HS3ST5: variants seen among roughly 807,000 people sequenced by gnomAD.
HS3ST5 encodes the protein heparan sulfate glucosamine 3-O-sulfotransferase 5.
In HS3ST5, 10 loss-of-function variants were observed where a neutral mutation model predicts 25.4. That is an observed-to-expected ratio of 0.39 (90% CI 0.24 to 0.67). The LOEUF (loss-of-function observed/expected upper bound fraction) is 0.67. Ranked by LOEUF, HS3ST5 falls within the 30% of genes least tolerant of loss-of-function variation. The probability of loss-of-function intolerance (pLI) is 0.44; values close to 1 mark genes in which losing one functional copy is unlikely to be tolerated. For synonymous variants in HS3ST5, 170 were observed against 162.4 expected, an observed-to-expected ratio of 1.05 and a Z score of -0.36; for missense variants, 324 against 420.7, an observed-to-expected ratio of 0.77 and a Z score of 2.01.
At chr6:114,305,003 T>A (rs559087479) in intron 1 of HS3ST5, among the ~76,000 whole-genome samples, 29 of 152,250 alleles carry the variant, frequency 1.9e-4, no homozygotes, top group Non-Finnish European at 3.5e-4. Flanking sequence ...CAAGTAATCA[T>A]TTCTTAAAGA....
chr6:114,084,661 G>A, intron 3 of HS3ST5: 1 of 1,123,818 alleles, frequency 8.9e-7, no homozygotes, highest in South Asian at 1.2e-5. Context: ...GAGGCTGATG[G>A]TCAGCCCTGG....
intron 1 of HS3ST5, among the ~76,000 whole-genome samples, chr6:114,301,883 C>A (rs1309316550): frequency 6.6e-6 from 1 of 152,128 alleles, no homozygotes. Context: ...AATGGAAGGG[C>A]AACCAAGGGC....
chr6:114,318,557 T>G (rs2114870248), intron 1 of HS3ST5, among the ~76,000 whole-genome samples: 1 of 152,284 alleles, frequency 6.6e-6, no homozygotes, highest in Admixed American at 6.5e-5. Context: ...TTCCTATTTC[T>G]ATGTACAAAT....
chr6:114,281,151 A>C (rs986215020), intron 1 of HS3ST5, among the ~76,000 whole-genome samples: 2 of 152,026 alleles, frequency 1.3e-5, no homozygotes, highest in Non-Finnish European at 2.9e-5. Flanking sequence ...CCATATCTCC[A>C]TCTCTGATCC....
At chr6:114,111,637 T>C (rs779715582) in intron 3 of HS3ST5, among the ~76,000 whole-genome samples, 4 of 152,168 alleles carry the variant, frequency 2.6e-5, no homozygotes, top group African/African-American at 7.2e-5. Context: ...AGAAACAGAA[T>C]GTGAAGCTGG....
intron 1 of HS3ST5, among the ~76,000 whole-genome samples, chr6:114,322,566 TA>T (rs1278737466): frequency 6.6e-6 from 1 of 152,166 alleles, no homozygotes; most frequent in Non-Finnish European, 1.5e-5. Context: ...TCCCTGTTGA[TA>T]ATGACCAAAA....
chr6:114,059,349 C>T (rs1772959469), intron 4 of HS3ST5: 1 of 152,160 alleles, frequency 6.6e-6, no homozygotes, highest in Non-Finnish European at 1.5e-5. Flanking sequence ...TCCAGTTATT[C>T]TAATAATTTG....
At chr6:114,297,761 A>T (rs1423251011) in intron 1 of HS3ST5, among the ~76,000 whole-genome samples, 1 of 152,214 alleles carries the variant, frequency 6.6e-6, no homozygotes, top group Non-Finnish European at 1.5e-5. Context: ...AATTTTGTGT[A>T]AACTAGAAGA....
rs373124677 is a variant in HS3ST5, at chr6:114,210,574, T to C, written c.-145+18011A>G. Among the ~76,000 whole-genome samples, 120 of 152,336 alleles carry C rather than the reference T, an allele frequency of 7.9e-4. 1 individual carries two copies. The highest frequency in any genetic ancestry group is 3.4e-3 in the Middle Eastern group (1 of 294). On this transcript the variant is annotated intron_variant, in intron 2 of 4. Transcript: ENST00000312719. ...AGAGACAAATGGACCATAACAGCATTATAGTCCATAAGAGCATGTACTATA... is the reference window on the plus strand; with the variant it reads ...AGAGACAAATGGACCATAACAGCATCATAGTCCATAAGAGCATGTACTATA...
chr6:114,060,126 G>A (rs141167167), intron 4 of HS3ST5, among the ~76,000 whole-genome samples: 1,858 of 152,140 alleles, frequency 0.012, 34 homozygotes, highest in African/African-American at 0.043. Context: ...AGATTCTCCT[G>A]CCTCAGCCTC....
chr6:114,153,255 C>T (rs884817), intron 3 of HS3ST5, among the ~76,000 whole-genome samples: 53,503 of 151,964 alleles, frequency 0.35, 9,925 homozygotes, highest in East Asian at 0.61. Flanking sequence ...CATGCTGGTG[C>T]GGGAGTGCCA....
Position 114,265,546 on chromosome 6 carries a change from A to G in HS3ST5, c.-338-36768T>C, listed in dbSNP as rs112971808. Among the ~76,000 whole-genome samples the G allele has an allele frequency of 2.6e-3, 401 of 152,306 alleles. 1 individual carries two copies. Among genetic ancestry groups the G allele is most frequent in the African/African-American group, 9.2e-3 (383 of 41,564 alleles). On this transcript the variant is annotated intron_variant, in intron 1 of 4. Coordinates refer to ENST00000312719, the MANE Select transcript of HS3ST5 (RefSeq NM_153612.4). ...TATGATGGCAATAATCCAGTCAAAG[A>G]AAGGCTGTGTTGCAGGAGAATGATG...
chr6:114,135,843 C>T (rs1251174531), intron 3 of HS3ST5, among the ~76,000 whole-genome samples: 5 of 152,206 alleles, frequency 3.3e-5, no homozygotes, highest in Non-Finnish European at 1.5e-5. Flanking sequence ...TCAAATGCCA[C>T]CTTCTCAGTG....
At chr6:114,298,761 C>T (rs1164029976) in intron 1 of HS3ST5, among the ~76,000 whole-genome samples, 1 of 152,210 alleles carries the variant, frequency 6.6e-6, no homozygotes, top group East Asian at 1.9e-4. Context: ...CCTGTCTTTA[C>T]TGCAATCTCT....
intron 1 of HS3ST5, among the ~76,000 whole-genome samples, chr6:114,335,833 T>C (rs1391816740): frequency 6.6e-6 from 1 of 152,054 alleles, no homozygotes; most frequent in Non-Finnish European, 1.5e-5. Context: ...TTTGTATTTT[T>C]AGTAGAGACA....
chr6:114,328,541 T>G (rs1043508049), intron 1 of HS3ST5, among the ~76,000 whole-genome samples: 2 of 152,220 alleles, frequency 1.3e-5, no homozygotes, highest in African/African-American at 4.8e-5. Context: ...TGTCTTTCTT[T>G]CTTTTTGTAA....
chr6:114,253,039 G>A (rs1209708848), intron 1 of HS3ST5, among the ~76,000 whole-genome samples: 1 of 152,146 alleles, frequency 6.6e-6, no homozygotes, highest in East Asian at 1.9e-4. Flanking sequence ...TTAAAACTTA[G>A]GTGGGTGGGT....
intron 1 of HS3ST5, among the ~76,000 whole-genome samples, chr6:114,304,162 T>A (rs1022439430): frequency 6.6e-6 from 1 of 152,116 alleles, no homozygotes; most frequent in African/African-American, 2.4e-5. Flanking sequence ...AAGAAAGAAC[T>A]ACATCAACAC....
rs149169987 is a variant in HS3ST5 at position 114,208,247 on chromosome 6, C to T, written c.-145+20338G>A. 1.1e-3 allele frequency among the ~76,000 whole-genome samples: 161 copies of T among 152,266 alleles called. 3 individuals carry two copies. In the East Asian group the frequency reaches 0.026, roughly 24 times the overall value. On this transcript the variant is annotated intron_variant, in intron 2 of 4. Transcript: ENST00000312719. ...TGAGTGTTGGTGGCCCATTCTTAGG[C>T]ACATTCTCAATAAATTCTGATAATC...
Sources: allele counts gnomAD v4.1 joint callset (sites outside exome capture counted in the v4.1 genomes callset), GRCh38; gene constraint gnomAD v4.1.1; transcripts MANE v1.5; gene names NCBI Gene and HGNC (gene_info 2026-07-23, HGNC 2026-07-21).